DENND1A: variants seen among roughly 807,000 people sequenced by gnomAD.
The protein encoded by DENND1A is DENN domain containing 1A, also known as DENN domain-containing protein 1A.
In DENND1A, 51 loss-of-function variants were observed where a neutral mutation model predicts 113.7. That is an observed-to-expected ratio of 0.45 (90% CI 0.36 to 0.57). The LOEUF (loss-of-function observed/expected upper bound fraction) is 0.57, where lower values mean the gene tolerates loss of function less well. Among genes scored for constraint, DENND1A ranks in the 20% least tolerant of loss-of-function variants. The probability of loss-of-function intolerance (pLI) is 0.00; values close to 1 mark genes in which losing one functional copy is unlikely to be tolerated. For missense variants in DENND1A, 1,258 were observed against 1,395.9 expected, an observed-to-expected ratio of 0.90 and a Z score of 1.57; for synonymous variants, 565 against 570.8, an observed-to-expected ratio of 0.99 and a Z score of 0.14.
rs768434420 is a variant in DENND1A, at chr9:123,382,340, G to A, written c.2305C>T (p.Pro769Ser). 1.2e-6 allele frequency: 2 copies of A among 1,606,290 alleles called. No individual in the cohort carries two copies. Among genetic ancestry groups the A allele is most frequent in the Non-Finnish European group, 1.7e-6 (2 of 1,176,650 alleles). The change falls in exon 24 of 24, where the codon CCA (proline) becomes TCA (serine). Residue 769 changes from proline (P) to serine (S), a missense_variant. Coordinates refer to ENST00000394215, the MANE Select transcript of DENND1A (RefSeq NM_001352964.2). ...GGTGGAGGCACGATGCCCAGCTCTG[G>A]GGTCTTCCTGCCTTGGGGCCGGGGG... ...TIPRPQGRKT[P>S]ELGIVPPPPI...
intron 5 of DENND1A, among the ~76,000 whole-genome samples, chr9:123,687,943 T>C (rs986223739): frequency 6.6e-6 from 1 of 152,218 alleles, no homozygotes; most frequent in African/African-American, 2.4e-5. Flanking sequence ...GAGGACTGAA[T>C]CTATTCAACT....
chr9:123,510,891 G>C (rs1226886336), intron 13 of DENND1A, among the ~76,000 whole-genome samples: 2 of 152,230 alleles, frequency 1.3e-5, no homozygotes, highest in Non-Finnish European at 2.9e-5. Context: ...CCAGAGGTAT[G>C]CAAGAGAAGC....
At chr9:123,711,503 A>ATATT (rs2066603446) in intron 5 of DENND1A, among the ~76,000 whole-genome samples, 1 of 72,316 alleles carries the variant, frequency 1.4e-5, no homozygotes. Flanking sequence ...ATATATATAT[A>ATATT]TGTATATATG....
rs573501260 is a variant in DENND1A, at chr9:123,856,500, G to A, written c.88+22451C>T. Reference sequence around the variant, plus strand: ...TCAGTGTCAACGCAGTTTGAGAAGCGTGTCCATGTTAAAAGATGATCTGGT... The same window carrying A: ...TCAGTGTCAACGCAGTTTGAGAAGCATGTCCATGTTAAAAGATGATCTGGT... On this transcript the variant is annotated intron_variant, in intron 2 of 23. Transcript: ENST00000394215. Among the ~76,000 whole-genome samples, 8 of 152,266 alleles carry A rather than the reference G, an allele frequency of 5.3e-5. No homozygotes were observed. In the South Asian group the frequency reaches 1.0e-3, roughly 20 times the overall value.
chr9:123,665,254 C>T (rs768708493), intron 8 of DENND1A, among the ~76,000 whole-genome samples: 28 of 152,040 alleles, frequency 1.8e-4, no homozygotes, highest in Non-Finnish European at 3.8e-4. Flanking sequence ...ATTTTCAGGG[C>T]TTCTGTTTCC....
At chr9:123,897,962 A>C (rs1158607358) in intron 1 of DENND1A, among the ~76,000 whole-genome samples, 2 of 151,028 alleles carry the variant, frequency 1.3e-5, no homozygotes, top group Non-Finnish European at 2.9e-5. Flanking sequence ...AAAAAAAAAA[A>C]GGTCCACAGG....
chr9:123,691,328 C>T (rs1251445598), intron 5 of DENND1A, among the ~76,000 whole-genome samples: 1 of 152,158 alleles, frequency 6.6e-6, no homozygotes, highest in Admixed American at 6.5e-5. Context: ...GATGCTGCAA[C>T]ACAGGTGGGC....
chr9:123,409,627 T>C (rs998149610), intron 20 of DENND1A, among the ~76,000 whole-genome samples: 4 of 151,862 alleles, frequency 2.6e-5, no homozygotes, highest in African/African-American at 9.7e-5. Context: ...CAAGCATCAG[T>C]TTTCTCATTG....
At chr9:123,778,863 C>CGCA (rs1445511775) in intron 3 of DENND1A, among the ~76,000 whole-genome samples, 8 of 152,272 alleles carry the variant, frequency 5.3e-5, no homozygotes, top group African/African-American at 1.9e-4. Flanking sequence ...ATGCCAATGC[C>CGCA]AGTCATGTTG....
chr9:123,744,768 CTCTTTTT>C (rs1181470251), intron 5 of DENND1A, among the ~76,000 whole-genome samples: 11 of 137,940 alleles, frequency 8.0e-5, no homozygotes, highest in Non-Finnish European at 9.1e-5. Context: ...CTTATATTAG[CTCTTTTT>C]TTTTTTTTTT....
intron 1 of DENND1A, among the ~76,000 whole-genome samples, chr9:123,902,038 T>C (rs117929142): frequency 0.012 from 1,837 of 152,028 alleles, 35 homozygotes; most frequent in Admixed American, 0.049. Flanking sequence ...ATAAAGGCGA[T>C]GTCATGTAAA....
chr9:123,835,660 GA>G (rs112937594), intron 2 of DENND1A, among the ~76,000 whole-genome samples: 3,664 of 111,392 alleles, frequency 0.033, 59 homozygotes, highest in African/African-American at 0.068. Context: ...TGATTTCCAG[GA>G]AAAAAAAAAA....
chr9:123,757,976 T>TAAA (rs557446216), intron 4 of DENND1A, among the ~76,000 whole-genome samples, 154 bp from the exon 5 acceptor site: 8,876 of 122,816 alleles, frequency 0.072, 415 homozygotes, highest in African/African-American at 0.14. Flanking sequence ...GTAAGCTAGT[T>TAAA]AAAAAAAAAA....
chr9:123,425,574 G>A (rs996206362), intron 19 of DENND1A, among the ~76,000 whole-genome samples: 8 of 152,206 alleles, frequency 5.3e-5, no homozygotes, highest in African/African-American at 1.7e-4. Flanking sequence ...TCTTCCCCAC[G>A]TCACTGCCTT....
chr9:123,890,111 G>GC (rs1849685532), intron 1 of DENND1A, among the ~76,000 whole-genome samples: 2 of 152,224 alleles, frequency 1.3e-5, no homozygotes, highest in South Asian at 4.1e-4. Context: ...TGTCAAAACC[G>GC]TGTCAGGTAA....
At chr9:123,911,746 A>C (rs772598127) in intron 1 of DENND1A, among the ~76,000 whole-genome samples, 1 of 150,714 alleles carries the variant, frequency 6.6e-6, no homozygotes, top group Non-Finnish European at 1.5e-5. Context: ...GCTGGAGTGC[A>C]GTGGTGCGAT....
chr9:123,741,684 C>T (rs2069039079), intron 5 of DENND1A, among the ~76,000 whole-genome samples: 1 of 152,142 alleles, frequency 6.6e-6, no homozygotes, highest in African/African-American at 2.4e-5. Context: ...TCCTGGTTAT[C>T]CCTTCACCTT....
intron 8 of DENND1A, among the ~76,000 whole-genome samples, chr9:123,664,492 T>C (rs1374264330): frequency 1.3e-5 from 2 of 151,934 alleles, no homozygotes; most frequent in African/African-American, 2.4e-5. Context: ...CTAGTTTTGG[T>C]TATTTATTAC....
rs555731367 is a variant in DENND1A at position 123,845,670 on chromosome 9, C to CAAAAAAAAAAAAAA, written c.88+33267_88+33280dup. Among the ~76,000 whole-genome samples the CAAAAAAAAAAAAAA allele has an allele frequency of 2.7e-3, 121 of 44,060 alleles. 1 individual carries two copies. Among genetic ancestry groups the CAAAAAAAAAAAAAA allele is most frequent in the African/African-American group, 5.3e-3 (69 of 12,902 alleles). 28.9% of individuals were successfully genotyped at this position (44,060 alleles called of 152,430 possible). A position where few individuals can be genotyped will look rare whatever the true frequency, so the allele number is the denominator to read the frequency against. ...GGGTGACCAAGTGAGAACCTGTCTC[C>CAAAAAAAAAAAAAA]AAAAAAAAAAAAAAAAAAAAAAAAA... On this transcript the variant is annotated intron_variant, in intron 2 of 23. Transcript: ENST00000394215.
Sources: gnomAD v4.1 joint callset for allele counts (sites outside exome capture counted in the v4.1 genomes callset) on GRCh38, gnomAD v4.1.1 for gene constraint, MANE v1.5 for transcripts, NCBI Gene and HGNC (gene_info 2026-07-23, HGNC 2026-07-21) for gene names.